Variants in SEMA4C observed in about 807,000 individuals in gnomAD.
SEMA4C encodes the protein semaphorin 4C.
Under a neutral mutation model 89.0 loss-of-function variants are expected in SEMA4C, and 19 were observed. The ratio of observed to expected loss-of-function variants is 0.21; its 90% CI spans 0.15 to 0.31. SEMA4C has a LOEUF of 0.31. Among genes scored for constraint, SEMA4C ranks in the 10% least tolerant of loss-of-function variants. The pLI is 1.00. For missense variants in SEMA4C, 811 were observed against 1,107.0 expected (o/e 0.73, Z 3.79); for synonymous variants, 428 against 472.7 (o/e 0.91, Z 1.23).
At position 96,865,920 on chromosome 2, in the gene SEMA4C, C is replaced by G; in HGVS notation, c.268G>C (p.Glu90Gln). ...ALELQGAISW[E>Q]APVEKKTECI... Reference sequence around the variant, plus strand: ...TCAGTCTTCTTCTCCACGGGGGCCTCCCAGGAGATCTGGGGAAAGGGAAGG... The same window carrying G: ...TCAGTCTTCTTCTCCACGGGGGCCTGCCAGGAGATCTGGGGAAAGGGAAGG... The change falls in exon 4 of 15, where the codon GAG becomes CAG. Residue 90 changes from glutamate to glutamine, a missense_variant. Glu to Gln is a conservative substitution (Grantham distance 29). Around this residue, in one of 4 missense-constraint regions of SEMA4C, gnomAD observed 119 missense variants for 152.7 expected, o/e 0.78. Transcript: ENST00000305476. The G allele has an allele frequency of 6.2e-7, 1 of 1,614,020 alleles. No individual in the cohort carries two copies. Among genetic ancestry groups the G allele is most frequent in the Non-Finnish European group, 8.5e-7 (1 of 1,180,002 alleles).
At position 96,866,388 on chromosome 2, in the gene SEMA4C, C is replaced by T; in HGVS notation, c.153G>A (p.Gln51=). The change falls in exon 3 of 15, where the codon CAG becomes CAA. Residue 51 remains glutamine, a synonymous_variant. Transcript: ENST00000305476. ...VVRRFSQTGI[Q]DFLTLTLTEP... is the part of the protein sequence containing the mutation. ...CCGTCAGCGTCAGTGTCAGGAAGTCCTGGATGCCGGTCTGGGAGAACCGCC... is the reference window on the plus strand; with the variant it reads ...CCGTCAGCGTCAGTGTCAGGAAGTCTTGGATGCCGGTCTGGGAGAACCGCC... 1 of 1,613,952 alleles carries T rather than the reference C, an allele frequency of 6.2e-7. No individual in the cohort carries two copies. Among genetic ancestry groups the T allele is most frequent in the Admixed American group, 1.7e-5 (1 of 60,038 alleles).
At chr2:96,869,853 C>G (rs1236340851) in intron 1 of SEMA4C, 23 bp downstream of exon 1, 4 of 985,718 alleles carry the variant, frequency 4.1e-6, no homozygotes, top group Non-Finnish European at 4.8e-6. Flanking sequence ...GCTCCAGCCT[C>G]ACGCAAGCCC....
intron 12 of SEMA4C, chr2:96,862,150 A>T (rs1286072374): frequency 2.0e-6 from 1 of 501,734 alleles, no homozygotes; most frequent in Admixed American, 3.3e-5. Context: ...TTAGAAAGGG[A>T]TGATGGGGCT....
intron 1 of SEMA4C, chr2:96,868,962 A>T (rs986108969): frequency 3.6e-5 from 35 of 984,938 alleles, no homozygotes; most frequent in Non-Finnish European, 4.2e-5. Context: ...GGACCTGCTC[A>T]CCCCCAAACA....
chr2:96,863,301 A>G (rs903413259), intron 12 of SEMA4C: 4 of 1,029,140 alleles, frequency 3.9e-6, no homozygotes, highest in South Asian at 3.8e-5. Context: ...GAAAACCACC[A>G]TGGTGAGGGC....
At position 96,866,577 on chromosome 2, in the gene SEMA4C, C is replaced by T. The variant is rs562151902; in HGVS notation, c.110-146G>A. 2.2e-5 allele frequency: 26 copies of T among 1,180,592 alleles called. No homozygotes were observed. In the African/African-American group the frequency reaches 3.0e-4, roughly 14 times the overall value. 73.1% of individuals were successfully genotyped at this position (1,180,592 alleles called of 1,614,324 possible). ...GCAATAAAGGACACTTTTGAAACAG[C>T]CTTTGGCCCTGACAGCCCCACCTGG... On this transcript the variant is annotated intron_variant, in intron 2 of 14. Transcript: ENST00000305476.
chr2:96,868,006 TC>T, intron 1 of SEMA4C, 83 bp from the exon 2 acceptor site: 1 of 1,536,054 alleles, frequency 6.5e-7, no homozygotes, highest in South Asian at 1.2e-5. Context: ...GCCACAGGAC[TC>T]CTCATCAGGC....
At chr2:96,863,137 G>C in intron 12 of SEMA4C, 6 of 541,636 alleles carry the variant, frequency 1.1e-5, no homozygotes, top group Non-Finnish European at 1.4e-5. Flanking sequence ...TTCAACCTGG[G>C]AGGTGGAGGT....
chr2:96,860,880 C>T lies in SEMA4C; in HGVS notation c.2248G>A (p.Ala750Thr), dbSNP rs1351876125. 2 of 1,613,098 alleles carry T rather than the reference C, an allele frequency of 1.2e-6. No individual in the cohort carries two copies. Among genetic ancestry groups the T allele is most frequent in the African/African-American group, 2.7e-5 (2 of 74,940 alleles). ...DGSLKIVPGH[A>T]RCQPGGGPPS... ...GGCCCCCCACCGGGCTGGCACCGGGCATGCCCAGGTACTATCTTAAGGGAG... is the reference window on the plus strand; with the variant it reads ...GGCCCCCCACCGGGCTGGCACCGGGTATGCCCAGGTACTATCTTAAGGGAG... The change falls in exon 15 of 15, where the codon GCC becomes ACC. Residue 750 changes from alanine (A) to threonine (T), a missense_variant. This residue lies in a region of SEMA4C where 248 missense variants were observed against 269.0 expected (regional missense o/e 0.92). Coordinates refer to ENST00000305476, the MANE Select transcript of SEMA4C (RefSeq NM_017789.5).
intron 2 of SEMA4C, among the ~76,000 whole-genome samples, chr2:96,867,564 C>G (rs996150713): frequency 6.6e-6 from 1 of 152,150 alleles, no homozygotes; most frequent in Non-Finnish European, 1.5e-5. Context: ...AAGGCTCTCC[C>G]CCTCCCACAC....
chr2:96,864,866 G>GC lies in SEMA4C; in HGVS notation c.800dup (p.Ala268ArgfsTer56). 6.2e-7 allele frequency: 1 copy of GC among 1,613,212 alleles called. No homozygotes were observed. Among genetic ancestry groups the GC allele is most frequent in the Non-Finnish European group, 8.5e-7 (1 of 1,179,758 alleles). On this transcript the variant is annotated frameshift_variant, in exon 9 of 15. Transcript: ENST00000305476. LOFTEE classifies it high-confidence loss of function. This position sits in a 1 kb window ranked among gnomAD's most constrained non-coding sequence, Gnocchi z 6.3. ...TCCACTTCCTCTGCAGGGTCCGTGC[G>GC]CCCCCCATATCGCCCTGGCAGACGG...
At chr2:96,867,678 G>A in intron 2 of SEMA4C, 100 bp downstream of exon 2, 1 of 1,237,534 alleles carries the variant, frequency 8.1e-7, no homozygotes, top group Non-Finnish European at 1.2e-6. Context: ...GAGTTTCTTA[G>A]AAAGCTGTGC....
At position 96,865,864 on chromosome 2, in the gene SEMA4C, C is replaced by T; in HGVS notation, c.321+3G>A. ...GCACCAGGAGCAGCGTCCAAGCACCCACCTGGTTGTTCTTCCCTTTCTGGA... is the reference window on the plus strand; with the variant it reads ...GCACCAGGAGCAGCGTCCAAGCACCTACCTGGTTGTTCTTCCCTTTCTGGA... On this transcript the variant is annotated splice_donor_region_variant and intron_variant, in intron 4 of 14. Coordinates refer to ENST00000305476, the MANE Select transcript of SEMA4C (RefSeq NM_017789.5). The T allele has an allele frequency of 6.2e-7, 1 of 1,614,082 alleles. No individual in the cohort carries two copies. Among genetic ancestry groups the T allele is most frequent in the South Asian group, 1.1e-5 (1 of 91,080 alleles).
rs1394417158 is a variant in SEMA4C at position 96,863,480 on chromosome 2, C to T, written c.1443+202G>A. 4 of 903,686 alleles carry T rather than the reference C, an allele frequency of 4.4e-6. No homozygotes were observed. In the African/African-American group the frequency reaches 5.4e-5, roughly 12 times the overall value. The allele number at this position is 903,686 out of a possible 1,614,324, so 56.0% of individuals were successfully genotyped here. A position where few individuals can be genotyped will look rare whatever the true frequency, so the allele number is the denominator to read the frequency against. Reference sequence around the variant, plus strand: ...CGTGACCTGGCTATATATAATGGCCCTGTGCAGTGCAGATTCCATTCTGTT... The same window carrying T: ...CGTGACCTGGCTATATATAATGGCCTTGTGCAGTGCAGATTCCATTCTGTT... On this transcript the variant is annotated intron_variant, in intron 12 of 14. Coordinates refer to ENST00000305476, the MANE Select transcript of SEMA4C (RefSeq NM_017789.5).
rs999560560 is a variant in SEMA4C at position 96,869,963 on chromosome 2, C to T, written c.-125G>A. The T allele has an allele frequency of 4.1e-6, 4 of 986,718 alleles. No individual in the cohort carries two copies. Among genetic ancestry groups the T allele is most frequent in the South Asian group, 4.5e-5 (1 of 22,116 alleles). The allele number at this position is 986,718 out of a possible 1,614,324, so 61.1% of individuals were successfully genotyped here. ...CCCTGCCCCCGCGTCGCCGCCTGCCCGCGCTCGCCCGCCAGCCCTCCGCGG... is the reference window on the plus strand; with the variant it reads ...CCCTGCCCCCGCGTCGCCGCCTGCCTGCGCTCGCCCGCCAGCCCTCCGCGG... On this transcript the variant is annotated 5_prime_UTR_variant, in exon 1 of 15. Transcript: ENST00000305476.
At chr2:96,870,658 G>A, upstream of SEMA4C, 2 of 985,492 alleles carry the variant, frequency 2.0e-6, no homozygotes, top group South Asian at 4.7e-5. Context: ...TCAACAGAAA[G>A]GGCCTGCTCC....
Position 96,864,417 on chromosome 2 carries a change from C to A in SEMA4C, c.963-35G>T. The stretch of plus-strand genomic sequence containing the variant: ...CGAGAGGGAGCCCAGGGTCAGGTAC[C>A]CACCTTATCTCTTCCCACCCCAGCT... On this transcript the variant is annotated intron_variant, in intron 9 of 14. Coordinates refer to ENST00000305476, the MANE Select transcript of SEMA4C (RefSeq NM_017789.5). The surrounding 1 kb of genome is among the most constrained non-coding windows in gnomAD (Gnocchi z 6.3). The A allele has an allele frequency of 1.2e-6, 2 of 1,609,738 alleles. No individual in the cohort carries two copies. Among genetic ancestry groups the A allele is most frequent in the East Asian group, 2.2e-5 (1 of 44,864 alleles).
rs1193500165 is a variant in SEMA4C, at chr2:96,861,205, G to A, written c.1923C>T (p.Tyr641=). 4.3e-6 allele frequency: 7 copies of A among 1,610,464 alleles called. No individual in the cohort carries two copies. The highest frequency in any genetic ancestry group is 1.7e-5 in the Admixed American group (1 of 59,994). Residue 641 remains tyrosine, a synonymous_variant, in exon 15 of 15, where the codon TAC becomes TAT. Coordinates refer to ENST00000305476, the MANE Select transcript of SEMA4C (RefSeq NM_017789.5). The surrounding 1 kb of genome is among the most constrained non-coding windows in gnomAD (Gnocchi z 7.8). ...ACGGGCCTGCCACGACAGCCACAAG[G>A]TAGCCTTCAGCAGCCAGCCGCGCCC... is the stretch of plus-strand genomic sequence containing the variant. The part of the protein sequence containing the change: ...EQGARLAAEG[Y]LVAVVAGPSV...
At position 96,861,460 on chromosome 2, in the gene SEMA4C, A is replaced by G; in HGVS notation, c.1673-5T>C. 2 of 1,612,798 alleles carry G rather than the reference A, an allele frequency of 1.2e-6. No homozygotes were observed. Among genetic ancestry groups the G allele is most frequent in the Middle Eastern group, 1.6e-4 (1 of 6,062 alleles). ...TGTTTTTGGGAGTGGGCCTGACTGT[A>G]GTGGCAGAGAAAACAGAGTGCATGT... On this transcript the variant is annotated splice_polypyrimidine_tract_variant and splice_region_variant and intron_variant, in intron 14 of 14. Transcript: ENST00000305476. This position sits in a 1 kb window ranked among gnomAD's most constrained non-coding sequence, Gnocchi z 7.8.
Sources: allele counts gnomAD v4.1 joint callset (sites outside exome capture counted in the v4.1 genomes callset), GRCh38; gene constraint gnomAD v4.1.1; regional missense constraint gnomAD v4.1.1; non-coding constraint Gnocchi (gnomAD v3.1); transcripts MANE v1.5; gene names NCBI Gene and HGNC (gene_info 2026-07-23, HGNC 2026-07-21).